CLIP3: variants seen among roughly 807,000 people sequenced by gnomAD.
The protein encoded by CLIP3 is CAP-Gly domain-containing linker protein 3.
In CLIP3, 15 loss-of-function variants were observed where a neutral mutation model predicts 59.4. The ratio of observed to expected loss-of-function variants is 0.25; its 90% CI spans 0.17 to 0.39. CLIP3 has a LOEUF of 0.39. Among genes scored for constraint, CLIP3 ranks in the 10% least tolerant of loss-of-function variants. The pLI is 1.00. For synonymous variants in CLIP3, 300 were observed against 321.6 expected, an observed-to-expected ratio of 0.93 and a Z score of 0.72; for missense variants, 495 against 765.7, an observed-to-expected ratio of 0.65 and a Z score of 4.17.
chr19:36,018,060 G>A, intron 9 of CLIP3, 69 bp from the exon 10 acceptor site: 1 of 1,570,740 alleles, frequency 6.4e-7, no homozygotes, highest in Non-Finnish European at 8.7e-7. Context: ...GTGCCACCTG[G>A]AAAACCCCAA....
chr19:36,026,287 G>C lies in CLIP3; in HGVS notation c.563-22C>G. 1 of 1,589,038 alleles carries C rather than the reference G, an allele frequency of 6.3e-7. No individual in the cohort carries two copies. Among genetic ancestry groups the C allele is most frequent in the Non-Finnish European group, 8.6e-7 (1 of 1,158,830 alleles). On this transcript the variant is annotated intron_variant, in intron 5 of 13. Transcript: ENST00000360535. The surrounding 1 kb of genome is among the most constrained non-coding windows in gnomAD (Gnocchi z 6.3). ...ACCACTGGAAGTGGGCAAGAGGAGG[G>C]GTTCCGGGTGAGCGCCTGTGGGACC...
rs1469703103 is a variant in CLIP3, at chr19:36,015,181, T to C, written c.*977A>G. On this transcript the variant is annotated 3_prime_UTR_variant, in exon 14 of 14. Coordinates refer to ENST00000360535, the MANE Select transcript of CLIP3 (RefSeq NM_015526.3). ...GGGACTTGGGATTGGATTTTCAAAT[T>C]TGGGATTCCCTGGGGATTTGGGATT... is the stretch of plus-strand genomic sequence containing the variant. The C allele has an allele frequency of 6.6e-6, 1 of 152,162 alleles. No individual in the cohort carries two copies. The highest frequency in any genetic ancestry group is 6.5e-5 in the Admixed American group (1 of 15,268). The allele number at this position is 152,162 out of a possible 1,614,324, so 9.4% of individuals were successfully genotyped here. A position where few individuals can be genotyped will look rare whatever the true frequency, so the allele number is the denominator to read the frequency against.
chr19:36,022,282 G>A (rs10412081), intron 7 of CLIP3, among the ~76,000 whole-genome samples: 17,156 of 152,072 alleles, frequency 0.11, 2,484 homozygotes, highest in African/African-American at 0.34. Flanking sequence ...ATGGCCTTAC[G>A]CATTTTAATT....
chr19:36,016,878 A>T lies in CLIP3; in HGVS notation c.1589+29T>A, dbSNP rs1395015712. 1.2e-6 allele frequency: 2 copies of T among 1,605,300 alleles called. No individual in the cohort carries two copies. Among genetic ancestry groups the T allele is most frequent in the Admixed American group, 3.4e-5 (2 of 59,620 alleles). On this transcript the variant is annotated intron_variant, in intron 13 of 13. Coordinates refer to ENST00000360535, the MANE Select transcript of CLIP3 (RefSeq NM_015526.3). The surrounding 1 kb of genome is among the most constrained non-coding windows in gnomAD (Gnocchi z 4.1). ...GGATCCCTCTCCCTGAATGTCACATAGGAGAGGGGACAGGGGTTGGCCACA... is the reference window on the plus strand; with the variant it reads ...GGATCCCTCTCCCTGAATGTCACATTGGAGAGGGGACAGGGGTTGGCCACA...
chr19:36,016,029 G>C lies in CLIP3; in HGVS notation c.*129C>G, dbSNP rs1386798108. ...TTAATAATGGGGCCTCAATGATCGAGGGCTGGCTAACAGGGGTCTCTACTC... is the reference window on the plus strand; with the variant it reads ...TTAATAATGGGGCCTCAATGATCGACGGCTGGCTAACAGGGGTCTCTACTC... On this transcript the variant is annotated 3_prime_UTR_variant, in exon 14 of 14. Coordinates refer to ENST00000360535, the MANE Select transcript of CLIP3 (RefSeq NM_015526.3). The surrounding 1 kb of genome is among the most constrained non-coding windows in gnomAD (Gnocchi z 4.1). 1.8e-5 allele frequency: 16 copies of C among 907,476 alleles called. No individual in the cohort carries two copies. Among genetic ancestry groups the C allele is most frequent in the Non-Finnish European group, 2.9e-5 (16 of 561,330 alleles). 56.2% of individuals were successfully genotyped at this position (907,476 alleles called of 1,614,324 possible).
Position 36,026,085 on chromosome 19 carries a change from G to A in CLIP3, c.681+62C>T. 1 of 1,283,084 alleles carries A rather than the reference G, an allele frequency of 7.8e-7. No individual in the cohort carries two copies. Among genetic ancestry groups the A allele is most frequent in the Non-Finnish European group, 1.1e-6 (1 of 884,634 alleles). 79.5% of individuals were successfully genotyped at this position (1,283,084 alleles called of 1,614,324 possible). ...GTCACGGGAAACGCAGAGACCTGCT[G>A]GAGGGAAGTGGGGGAGGAAGGGAGC... On this transcript the variant is annotated intron_variant, in intron 6 of 13. Transcript: ENST00000360535. The surrounding 1 kb of genome is among the most constrained non-coding windows in gnomAD (Gnocchi z 6.3).
intron 7 of CLIP3, among the ~76,000 whole-genome samples, chr19:36,019,599 T>TTTTA (rs1555787367): frequency 2.4e-5 from 3 of 126,794 alleles, no homozygotes; most frequent in Admixed American, 7.6e-5. Context: ...TATTTATTTA[T>TTTTA]TTTATTTATT....
chr19:36,021,003 G>A (rs903387631), intron 7 of CLIP3, among the ~76,000 whole-genome samples: 1 of 151,972 alleles, frequency 6.6e-6, no homozygotes, highest in African/African-American at 2.4e-5. Context: ...ACAGGTGAAC[G>A]CCACCAAAGC....
chr19:36,021,476 G>A (rs1968950393), intron 7 of CLIP3, among the ~76,000 whole-genome samples: 1 of 150,922 alleles, frequency 6.6e-6, no homozygotes, highest in Non-Finnish European at 1.5e-5. Flanking sequence ...GTAGAGATGA[G>A]GTCTCACCAT....
At position 36,016,701 on chromosome 19, in the gene CLIP3, C is replaced by A; in HGVS notation, c.1589+206G>T. On this transcript the variant is annotated intron_variant, in intron 13 of 13. Transcript: ENST00000360535. This position sits in a 1 kb window ranked among gnomAD's most constrained non-coding sequence, Gnocchi z 4.1. ...AGTGAAGGGTGTTCTGCTTCCTTTA[C>A]CGGCCCACCCGAAAGTGGAATTCAC... The A allele has an allele frequency of 1.7e-6, 1 of 593,440 alleles. No individual in the cohort carries two copies. The allele number at this position is 593,440 out of a possible 1,614,324, so 36.8% of individuals were successfully genotyped here.
At position 36,026,460 on chromosome 19, in the gene CLIP3, C is replaced by T. The variant is rs1969111670; in HGVS notation, c.562+126G>A. On this transcript the variant is annotated intron_variant, in intron 5 of 13. Coordinates refer to ENST00000360535, the MANE Select transcript of CLIP3 (RefSeq NM_015526.3). This position sits in a 1 kb window ranked among gnomAD's most constrained non-coding sequence, Gnocchi z 6.3. ...GGTAGTCCCTGAGCCCCCTCTCCCA[C>T]GCCTCCAACCTCCCGCTATCTCCTC... 3 of 1,372,372 alleles carry T rather than the reference C, an allele frequency of 2.2e-6. No individual in the cohort carries two copies. Among genetic ancestry groups the T allele is most frequent in the Non-Finnish European group, 3.0e-6 (3 of 1,003,118 alleles). The allele number at this position is 1,372,372 out of a possible 1,614,324, so 85.0% of individuals were successfully genotyped here.
In CLIP3 at chr19:36,024,385, C is replaced by G. The variant is rs750771425; in HGVS notation, c.918+11G>C. ...CCACCCACCATGCAAACACACATCC[C>G]AGCCCCTGACCTTCTGGCCATCCAG... On this transcript the variant is annotated intron_variant, in intron 7 of 13. Transcript: ENST00000360535. 2.3e-5 allele frequency: 37 copies of G among 1,610,900 alleles called. No individual in the cohort carries two copies. The highest frequency in any genetic ancestry group is 3.1e-5 in the Non-Finnish European group (37 of 1,178,402).
chr19:36,032,607 TCTC>T lies in CLIP3; in HGVS notation c.-59+114_-59+116del, dbSNP rs1298855432. On this transcript the variant is annotated intron_variant, in intron 1 of 13. Coordinates refer to ENST00000360535, the MANE Select transcript of CLIP3 (RefSeq NM_015526.3). The surrounding 1 kb of genome is among the most constrained non-coding windows in gnomAD (Gnocchi z 4.3). ...TCCCCCAGGCCCAGCCCCCCATTCT[TCTC>T]CTCCCGCGTCAGGCCCCTCAGTCGC... 3.5e-5 allele frequency: 12 copies of T among 345,922 alleles called. No individual in the cohort carries two copies. The highest frequency in any genetic ancestry group is 2.2e-4 in the East Asian group (5 of 22,976). The allele number at this position is 345,922 out of a possible 1,614,324, so 21.4% of individuals were successfully genotyped here. A position where few individuals can be genotyped will look rare whatever the true frequency, so the allele number is the denominator to read the frequency against.
Position 36,018,952 on chromosome 19 carries a change from T to G in CLIP3, c.1129A>C (p.Thr377Pro), listed in dbSNP as rs995537981. ...ACACGGGAGAAGTCCATCCGGGGGGTCCGGGGTGTGGAGGTGACAGAGGAG... is the reference window on the plus strand; with the variant it reads ...ACACGGGAGAAGTCCATCCGGGGGGGCCGGGGTGTGGAGGTGACAGAGGAG... Reference protein sequence around the residue: ...PPSSVTSTPRTPRMDFSRVTG... With the variant: ...PPSSVTSTPRPPRMDFSRVTG... The change falls in exon 9 of 14, where the codon ACC becomes CCC. Residue 377 changes from threonine (T) to proline (P), a missense_variant. Physicochemically the swap from Thr to Pro is conservative, Grantham distance 38. This residue lies in a region of CLIP3 where 179 missense variants were observed against 226.2 expected (regional missense o/e 0.79). Coordinates refer to ENST00000360535, the MANE Select transcript of CLIP3 (RefSeq NM_015526.3). 6.2e-7 allele frequency: 1 copy of G among 1,611,584 alleles called. No individual in the cohort carries two copies. Among genetic ancestry groups the G allele is most frequent in the African/African-American group, 1.3e-5 (1 of 74,714 alleles).
chr19:36,025,065 C>CA (rs923953735), intron 6 of CLIP3, among the ~76,000 whole-genome samples: 175 of 109,554 alleles, frequency 1.6e-3, no homozygotes, highest in African/African-American at 1.8e-3. Flanking sequence ...GACTCCGTCT[C>CA]AAAAAAAAAA....
intron 7 of CLIP3, among the ~76,000 whole-genome samples, chr19:36,019,729 A>G (rs530584470): frequency 6.6e-6 from 1 of 151,936 alleles, no homozygotes; most frequent in African/African-American, 2.4e-5. Context: ...CAGCCTCCCA[A>G]GTAGCTGGGA....
intron 2 of CLIP3, 125 bp from the exon 3 acceptor site, chr19:36,027,396 G>T: frequency 9.6e-7 from 1 of 1,040,186 alleles, no homozygotes; most frequent in Non-Finnish European, 1.3e-6. Context: ...GGTGGCACAT[G>T]GGCCACAGTC....
intron 11 of CLIP3, 79 bp downstream of exon 11, chr19:36,017,571 GCTGGT>G: frequency 6.2e-7 from 1 of 1,603,346 alleles, no homozygotes; most frequent in Non-Finnish European, 8.5e-7. Flanking sequence ...ACACTGTCCT[GCTGGT>G]CTGGGAGGAG....
chr19:36,019,211 G>A lies in CLIP3; in HGVS notation c.1014C>T (p.Ser338=), dbSNP rs150392597. The A allele has an allele frequency of 8.7e-6, 14 of 1,613,834 alleles. No homozygotes were observed. Among genetic ancestry groups the A allele is most frequent in the Admixed American group, 5.0e-5 (3 of 60,018 alleles). Residue 338 remains serine, a synonymous_variant, in exon 8 of 14, where the codon AGC becomes AGT. Coordinates refer to ENST00000360535, the MANE Select transcript of CLIP3 (RefSeq NM_015526.3). ...AGATGAAGTACCGAACGCCCCCAAC[G>A]CTGCCATCGTTCTTGCCCTCAGGTT... ...LDEPEGKNDG[S]VGGVRYFICP...
Sources: allele counts gnomAD v4.1 joint callset (sites outside exome capture counted in the v4.1 genomes callset), GRCh38; gene constraint gnomAD v4.1.1; regional missense constraint gnomAD v4.1.1; non-coding constraint Gnocchi (gnomAD v3.1); transcripts MANE v1.5; gene names NCBI Gene and HGNC (gene_info 2026-07-23, HGNC 2026-07-21).